The following GRK3 variants were observed in gnomAD, a reference collection of about 807,000 sequenced individuals.
The protein encoded by GRK3 is G protein-coupled receptor kinase 3, also known as adrenergic, beta, receptor kinase 2.
A neutral mutation model predicts 95.7 loss-of-function variants in GRK3; 54 were observed. That is an observed-to-expected ratio of 0.56 (90% CI 0.45 to 0.71). The LOEUF is 0.71. Ranked by LOEUF, GRK3 falls within the 30% of genes least tolerant of loss-of-function variation. The pLI, the probability that GRK3 is intolerant of heterozygous loss-of-function variation, is 0.00. For synonymous variants in GRK3, 281 were observed against 290.8 expected (o/e 0.97, Z 0.34); for missense variants, 649 against 851.2 (o/e 0.76, Z 2.96).
chr22:25,599,378 G>T (rs1490243632), intron 1 of GRK3, among the ~76,000 whole-genome samples: 4 of 152,032 alleles, frequency 2.6e-5, no homozygotes, highest in Admixed American at 2.0e-4. Context: ...AGATCACGAG[G>T]TCAGGAGATC....
chr22:25,588,704 G>C (rs1300760479), intron 1 of GRK3, among the ~76,000 whole-genome samples: 1 of 151,842 alleles, frequency 6.6e-6, no homozygotes, highest in Admixed American at 6.6e-5. Flanking sequence ...TCATTAAAAA[G>C]AATCTTTTGG....
At chr22:25,708,719 TGGCACAA>T (rs2085320082) in intron 15 of GRK3, among the ~76,000 whole-genome samples, 1 of 151,594 alleles carries the variant, frequency 6.6e-6, no homozygotes, top group Non-Finnish European at 1.5e-5. Context: ...TGGAGTGCAA[TGGCACAA>T]TCTCGGCTCA....
Position 25,663,718 on chromosome 22 carries a change from A to G in GRK3, c.441+14A>G. 6.4e-7 allele frequency: 1 copy of G among 1,564,690 alleles called. No individual in the cohort carries two copies. Among genetic ancestry groups the G allele is most frequent in the Non-Finnish European group, 8.8e-7 (1 of 1,138,012 alleles). The stretch of plus-strand genomic sequence containing the variant: ...ACTCTTTTTCAGGTAAGATAAAATT[A>G]TTCCAAAATAAATAGATAATATTTG... On this transcript the variant is annotated intron_variant, in intron 5 of 20. Coordinates refer to ENST00000324198, the MANE Select transcript of GRK3 (RefSeq NM_005160.4).
At chr22:25,585,836 A>G (rs1471247986) in intron 1 of GRK3, among the ~76,000 whole-genome samples, 2 of 152,266 alleles carry the variant, frequency 1.3e-5, no homozygotes, top group Non-Finnish European at 2.9e-5. Flanking sequence ...TAGAATCTGA[A>G]AAAAGTTAAG....
chr22:25,708,725 A>C (rs1162419156), intron 15 of GRK3, among the ~76,000 whole-genome samples: 3 of 151,574 alleles, frequency 2.0e-5, no homozygotes, highest in Non-Finnish European at 4.4e-5. Flanking sequence ...GCAATGGCAC[A>C]ATCTCGGCTC....
intron 3 of GRK3, among the ~76,000 whole-genome samples, chr22:25,655,978 T>TG (rs1229620943): frequency 6.6e-6 from 1 of 152,252 alleles, no homozygotes; most frequent in Admixed American, 6.5e-5. Flanking sequence ...TGCTGAACTC[T>TG]GACTGCCTGG....
In GRK3 at chr22:25,686,153, C is replaced by T. The variant is rs1424010859; in HGVS notation, c.826+905C>T. Among the ~76,000 whole-genome samples, 5 of 150,464 alleles carry T rather than the reference C, an allele frequency of 3.3e-5. No individual in the cohort carries two copies. In the South Asian group the frequency reaches 6.3e-4, roughly 19 times the overall value. On this transcript the variant is annotated intron_variant, in intron 10 of 20. Transcript: ENST00000324198. ...AGGAGAATGGTGTGAACTCAGGAGG[C>T]GGAGCTTGCAGTGAGCCAAGATTAC...
At chr22:25,715,285 A>G (rs2085375248) in intron 18 of GRK3, 1 of 152,318 alleles carries the variant, frequency 6.6e-6, no homozygotes, top group Non-Finnish European at 1.5e-5. Flanking sequence ...AGGCCGAGGC[A>G]GGAGGATCAC....
At chr22:25,581,457 G>C (rs1173608566) in intron 1 of GRK3, 1 of 152,206 alleles carries the variant, frequency 6.6e-6, no homozygotes, top group African/African-American at 2.4e-5. Context: ...AAACAACTTA[G>C]ATTGACGGGA....
At chr22:25,603,197 G>A (rs926249855) in intron 1 of GRK3, among the ~76,000 whole-genome samples, 47 of 152,232 alleles carry the variant, frequency 3.1e-4, no homozygotes, top group African/African-American at 1.0e-3. Flanking sequence ...GATTACAGGC[G>A]TGAGGCACCT....
chr22:25,710,958 G>A (rs576112527), intron 16 of GRK3, 110 bp from the exon 17 acceptor site: 23 of 533,560 alleles, frequency 4.3e-5, no homozygotes, highest in South Asian at 2.5e-4. Flanking sequence ...GACATGCTGC[G>A]CAGTGGAGCA....
chr22:25,717,227 C>T (rs962601437), intron 18 of GRK3, among the ~76,000 whole-genome samples: 3 of 152,130 alleles, frequency 2.0e-5, no homozygotes, highest in African/African-American at 7.2e-5. Context: ...TGAACATCTA[C>T]TGATTTCGGT....
intron 1 of GRK3, among the ~76,000 whole-genome samples, chr22:25,582,137 C>T (rs1227527472): frequency 2.0e-5 from 3 of 151,968 alleles, no homozygotes; most frequent in East Asian, 1.9e-4. Context: ...ATTAGCCAGG[C>T]GTGGTGGTGG....
chr22:25,721,756 C>T (rs1255460923), intron 20 of GRK3, among the ~76,000 whole-genome samples: 1 of 152,098 alleles, frequency 6.6e-6, no homozygotes, highest in Non-Finnish European at 1.5e-5. Flanking sequence ...GCCATCTTCT[C>T]TAAACGAAAA....
In GRK3 at chr22:25,688,193, A is replaced by G. The variant is rs372097763; in HGVS notation, c.957+526A>G. Among the ~76,000 whole-genome samples, 373 of 144,918 alleles carry G rather than the reference A, an allele frequency of 2.6e-3. 1 individual carries two copies. The highest frequency in any genetic ancestry group is 9.0e-3 in the African/African-American group (349 of 38,934). On this transcript the variant is annotated intron_variant, in intron 11 of 20. Transcript: ENST00000324198. Reference sequence around the variant, plus strand: ...AGAGCTTGCAGTGAGCTGAGATTGCACCACTGCACTCCAGCCTGGACAACA... The same window carrying G: ...AGAGCTTGCAGTGAGCTGAGATTGCGCCACTGCACTCCAGCCTGGACAACA...
At chr22:25,692,526 ACCT>A (rs1223226320) in intron 12 of GRK3, among the ~76,000 whole-genome samples, 1 of 152,198 alleles carries the variant, frequency 6.6e-6, no homozygotes, top group Non-Finnish European at 1.5e-5. Flanking sequence ...CTGACCTCAG[ACCT>A]CCTCGAACGA....
chr22:25,605,226 A>T (rs1162231233), intron 2 of GRK3, among the ~76,000 whole-genome samples: 1 of 152,178 alleles, frequency 6.6e-6, no homozygotes, highest in Admixed American at 6.5e-5. Context: ...TGGTTTGGAG[A>T]AGCAGATGAC....
At chr22:25,699,040 C>T (rs185105570) in intron 13 of GRK3, among the ~76,000 whole-genome samples, 2 of 152,276 alleles carry the variant, frequency 1.3e-5, no homozygotes, top group Non-Finnish European at 2.9e-5. Context: ...CAGTGGTTCA[C>T]ATGAAACTGA....
chr22:25,614,191 A>G, intron 2 of GRK3, among the ~76,000 whole-genome samples: 1 of 151,952 alleles, frequency 6.6e-6, no homozygotes. Context: ...GCAGTGGTAC[A>G]CTCTCAGCTC....
Sources: allele counts gnomAD v4.1 joint callset (sites outside exome capture counted in the v4.1 genomes callset), GRCh38; gene constraint gnomAD v4.1.1; transcripts MANE v1.5; gene names NCBI Gene and HGNC (gene_info 2026-07-23, HGNC 2026-07-21).